TBL1X: variants seen among roughly 807,000 people sequenced by gnomAD.
TBL1X encodes the protein transducin beta like 1 X-linked, also known as F-box-like/WD repeat-containing protein TBL1X.
In TBL1X, 10 loss-of-function variants were observed where a neutral mutation model predicts 50.7. The observed-to-expected ratio is 0.20, with a 90% CI of 0.12 to 0.33. TBL1X has a LOEUF of 0.33. Ranked by LOEUF, TBL1X falls within the 10% of genes least tolerant of loss-of-function variation. The probability of loss-of-function intolerance (pLI) is 1.00; values close to 1 mark genes in which losing one functional copy is unlikely to be tolerated. For synonymous variants in TBL1X, 190 were observed against 214.7 expected (o/e 0.88, Z 1.01); for missense variants, 340 against 504.4 (o/e 0.67, Z 3.12).
At chrX:9,539,964 T>C (rs944575749) in intron 2 of TBL1X, among the ~76,000 whole-genome samples, 1 of 112,610 alleles carries the variant, frequency 8.9e-6, no homozygotes, top group Non-Finnish European at 1.9e-5. Context: ...TTAAAAGACA[T>C]TCATAGTTGC....
intron 2 of TBL1X, among the ~76,000 whole-genome samples, chrX:9,555,551 G>A (rs1352362226): frequency 9.0e-6 from 1 of 111,465 alleles, no homozygotes; most frequent in African/African-American, 3.3e-5. Flanking sequence ...TTCCTCTGGG[G>A]TAGATTTCTA....
At chrX:9,614,877 C>T (rs750120419) in intron 2 of TBL1X, among the ~76,000 whole-genome samples, 2 of 111,942 alleles carry the variant, frequency 1.8e-5, no homozygotes, top group East Asian at 2.8e-4. Context: ...GAAAACACCC[C>T]AGGGCTCCAG....
At chrX:9,515,032 C>T (rs191197370) in intron 2 of TBL1X, among the ~76,000 whole-genome samples, 61 of 111,023 alleles carry the variant, frequency 5.5e-4, no homozygotes, top group Non-Finnish European at 8.7e-4. Context: ...GTGTACCGCT[C>T]ATGTGTGTAT....
At chrX:9,494,965 T>G (rs963311435) in intron 1 of TBL1X, among the ~76,000 whole-genome samples, 1 of 111,690 alleles carries the variant, frequency 9.0e-6, no homozygotes, top group Admixed American at 9.6e-5. Context: ...TCCATCCATT[T>G]CCCACATAAA....
chrX:9,681,500 C>G (rs2083025333), intron 5 of TBL1X, among the ~76,000 whole-genome samples: 1 of 112,388 alleles, frequency 8.9e-6, no homozygotes, highest in Admixed American at 9.4e-5. Context: ...GGACAGAGTG[C>G]CCAGGTTTGG....
chrX:9,553,541 A>G (rs2082280853), intron 2 of TBL1X, among the ~76,000 whole-genome samples: 1 of 112,003 alleles, frequency 8.9e-6, no homozygotes, highest in Non-Finnish European at 1.9e-5. Flanking sequence ...AGTCAAGTTT[A>G]ATATGCTGGA....
intron 1 of TBL1X, among the ~76,000 whole-genome samples, chrX:9,474,313 G>A (rs1246581995): frequency 1.8e-5 from 2 of 113,029 alleles, no homozygotes. Flanking sequence ...GGTCCCCAAA[G>A]GCTGGAAGAG....
At chrX:9,527,973 C>T (rs888558719) in intron 2 of TBL1X, among the ~76,000 whole-genome samples, 9 of 110,717 alleles carry the variant, frequency 8.1e-5, no homozygotes, top group African/African-American at 2.0e-4. Context: ...TCTGTAGAGA[C>T]GTGGTCTCCT....
chrX:9,704,180 C>A (rs1049331316), intron 12 of TBL1X, among the ~76,000 whole-genome samples: 5 of 112,095 alleles, frequency 4.5e-5, no homozygotes, highest in Admixed American at 3.8e-4. Flanking sequence ...CTGAAGTGTG[C>A]GTTCCGTTTC....
intron 2 of TBL1X, among the ~76,000 whole-genome samples, chrX:9,626,960 G>T (rs778114258): frequency 8.9e-6 from 1 of 112,259 alleles, no homozygotes; most frequent in South Asian, 3.7e-4. Context: ...CCTGATGTAA[G>T]GTTCCACACT....
At chrX:9,607,897 T>C (rs2082591944) in intron 2 of TBL1X, among the ~76,000 whole-genome samples, 1 of 109,834 alleles carries the variant, frequency 9.1e-6, no homozygotes, top group Admixed American at 9.7e-5. Context: ...CACTACAGCC[T>C]CAACCTCCTG....
chrX:9,581,590 A>G (rs1404751465), intron 2 of TBL1X, among the ~76,000 whole-genome samples: 2 of 112,071 alleles, frequency 1.8e-5, no homozygotes, highest in Non-Finnish European at 3.8e-5. Flanking sequence ...GATGCTGCTA[A>G]CATCCCACCA....
intron 2 of TBL1X, among the ~76,000 whole-genome samples, chrX:9,575,015 AC>A (rs2082403814): frequency 9.0e-6 from 1 of 111,399 alleles, no homozygotes; most frequent in South Asian, 3.8e-4. Flanking sequence ...ATAAGGAACT[AC>A]CTGAGACTGG....
rs1383009034 is a variant in TBL1X at position 9,692,296 on chromosome X, A to T, written c.891+42A>T. 4 of 1,144,380 alleles carry T rather than the reference A, an allele frequency of 3.5e-6. No individual in the cohort carries two copies. The Admixed American group carries it at 1.2e-4, about 34-fold the overall frequency. 94.3% of individuals were successfully genotyped at this position (1,144,380 alleles called of 1,213,427 possible). A position where few individuals can be genotyped will look rare whatever the true frequency, so the allele number is the denominator to read the frequency against. ...CCCTGGGCACTTTGAAATTGGTAAAATCGGCCAGCCACCAGGCAGGGGCTG... is the reference window on the plus strand; with the variant it reads ...CCCTGGGCACTTTGAAATTGGTAAATTCGGCCAGCCACCAGGCAGGGGCTG... On this transcript the variant is annotated intron_variant, in intron 9 of 17. Transcript: ENST00000645353.
chrX:9,521,150 G>T (rs1263204637), intron 2 of TBL1X, among the ~76,000 whole-genome samples: 3 of 110,397 alleles, frequency 2.7e-5, no homozygotes, highest in Non-Finnish European at 5.7e-5. Context: ...TGGGGGGAGG[G>T]GACGTATTTT....
intron 2 of TBL1X, among the ~76,000 whole-genome samples, chrX:9,617,007 A>G (rs16985607): frequency 0.029 from 3,192 of 111,953 alleles, 98 homozygotes; most frequent in African/African-American, 0.095. Context: ...ATATATGACA[A>G]GTCCTTCCAT....
At chrX:9,629,706 G>A (rs2082710730) in intron 2 of TBL1X, among the ~76,000 whole-genome samples, 1 of 111,993 alleles carries the variant, frequency 8.9e-6, no homozygotes, top group Non-Finnish European at 1.9e-5. Flanking sequence ...AACGGTAGCA[G>A]CATTTGTGCT....
chrX:9,707,217 C>G (rs1489514251), intron 13 of TBL1X, among the ~76,000 whole-genome samples: 2 of 111,063 alleles, frequency 1.8e-5, no homozygotes, highest in Non-Finnish European at 3.8e-5. Context: ...CCTGATTCCC[C>G]TAATGCCCAC....
chrX:9,604,692 G>A (rs775853321), intron 2 of TBL1X, among the ~76,000 whole-genome samples: 7 of 110,929 alleles, frequency 6.3e-5, no homozygotes, highest in Non-Finnish European at 9.4e-5. Context: ...CCGCTGTTCC[G>A]CTTGGGATGT....
Sources: gnomAD v4.1 joint callset for allele counts (sites outside exome capture counted in the v4.1 genomes callset) on GRCh38, gnomAD v4.1.1 for gene constraint, MANE v1.5 for transcripts, NCBI Gene and HGNC (gene_info 2026-07-23, HGNC 2026-07-21) for gene names.